The following ABCC8 variants were observed in gnomAD, a reference collection of about 807,000 sequenced individuals.
ABCC8 encodes ATP binding cassette subfamily C member 8, also known as ATP-binding cassette sub-family C member 8.
In ABCC8, 137 loss-of-function variants were observed where a neutral mutation model predicts 188.0. That is an observed-to-expected ratio of 0.73 (90% CI 0.63 to 0.84). The LOEUF (loss-of-function observed/expected upper bound fraction) is 0.84. ABCC8 is among the 40% of genes least tolerant of loss of function. The pLI, the probability that ABCC8 is intolerant of heterozygous loss-of-function variation, is 0.00. For missense variants in ABCC8, 1,750 were observed against 2,072.7 expected (o/e 0.84, Z 3.02); for synonymous variants, 797 against 846.5 (o/e 0.94, Z 1.01).
At chr11:17,472,240 A>C (rs938300857) in intron 2 of ABCC8, among the ~76,000 whole-genome samples, 3 of 152,230 alleles carry the variant, frequency 2.0e-5, no homozygotes, top group Admixed American at 1.3e-4. Context: ...TAAATAATAC[A>C]CATTCAATTA....
intron 7 of ABCC8, among the ~76,000 whole-genome samples, chr11:17,450,802 C>T (rs1394304477): frequency 1.3e-5 from 2 of 148,258 alleles, no homozygotes; most frequent in African/African-American, 5.0e-5. Flanking sequence ...GATTCTCCTG[C>T]CTCAGCCTCC....
At chr11:17,395,034 T>G in intron 36 of ABCC8, 138 bp downstream of exon 36, 2 of 1,131,008 alleles carry the variant, frequency 1.8e-6, no homozygotes, top group Non-Finnish European at 2.6e-6. Flanking sequence ...CCCCGTATAG[T>G]GAGAAGTAGG....
chr11:17,472,759 T>C (rs1031967308), intron 2 of ABCC8, among the ~76,000 whole-genome samples: 1 of 152,182 alleles, frequency 6.6e-6, no homozygotes, highest in African/African-American at 2.4e-5. Context: ...CAGGAGGGCA[T>C]CCCTGGACCG....
At chr11:17,405,288 G>A (rs966284904) in intron 27 of ABCC8, among the ~76,000 whole-genome samples, 2 of 152,206 alleles carry the variant, frequency 1.3e-5, no homozygotes, top group Admixed American at 6.5e-5. Context: ...GAAGCTAAAG[G>A]GATCTGGTTT....
At chr11:17,464,617 T>C (rs1464619647) in intron 3 of ABCC8, among the ~76,000 whole-genome samples, 1 of 152,232 alleles carries the variant, frequency 6.6e-6, no homozygotes. Context: ...AGCTGTTATA[T>C]TTTTATTATC....
chr11:17,462,225 GT>G, intron 4 of ABCC8, among the ~76,000 whole-genome samples: 1 of 152,282 alleles, frequency 6.6e-6, no homozygotes, highest in South Asian at 2.1e-4. Flanking sequence ...CTAGCAAGGT[GT>G]TTTTGGACAA....
intron 35 of ABCC8, 113 bp downstream of exon 35, chr11:17,395,497 A>T (rs2133400110): frequency 6.8e-7 from 1 of 1,480,716 alleles, no homozygotes; most frequent in South Asian, 1.2e-5. Flanking sequence ...GGGCATGAGC[A>T]GGAAACACCT....
At chr11:17,438,202 G>A (rs182966200) in intron 10 of ABCC8, among the ~76,000 whole-genome samples, 10 of 152,290 alleles carry the variant, frequency 6.6e-5, no homozygotes, top group South Asian at 2.1e-4. Flanking sequence ...CTGAGTTAGC[G>A]CCTCCACTGA....
At chr11:17,439,707 C>T (rs1956239718) in intron 10 of ABCC8, among the ~76,000 whole-genome samples, 2 of 152,224 alleles carry the variant, frequency 1.3e-5, no homozygotes, top group South Asian at 4.1e-4. Flanking sequence ...GGGCTCTCCC[C>T]TTTCCCCTCC....
intron 8 of ABCC8, among the ~76,000 whole-genome samples, chr11:17,447,665 T>C (rs1956590325): frequency 6.6e-6 from 1 of 152,154 alleles, no homozygotes; most frequent in Non-Finnish European, 1.5e-5. Flanking sequence ...AGTGGTGTGA[T>C]TGTAGCTCAC....
chr11:17,448,819 G>C lies in ABCC8; in HGVS notation c.1177-148C>G, dbSNP rs188269481. ...CTCTGTAAGGTGGTACTGTATCACC[G>C]TTCCAACTTACTAGTCTACTCCAGC... On this transcript the variant is annotated intron_variant, in intron 7 of 38. Coordinates refer to ENST00000389817, the MANE Select transcript of ABCC8 (RefSeq NM_000352.6). 59 of 1,276,836 alleles carry C rather than the reference G, an allele frequency of 4.6e-5. No individual in the cohort carries two copies. In the South Asian group the frequency reaches 7.0e-4, roughly 15 times the overall value. The allele number at this position is 1,276,836 out of a possible 1,614,324, so 79.1% of individuals were successfully genotyped here. A position where few individuals can be genotyped will look rare whatever the true frequency, so the allele number is the denominator to read the frequency against.
At chr11:17,413,600 C>T (rs1379040885) in intron 19 of ABCC8, 122 bp from the exon 20 acceptor site, 4 of 1,594,200 alleles carry the variant, frequency 2.5e-6, no homozygotes, top group Non-Finnish European at 3.4e-6. Flanking sequence ...TTTAATAGGC[C>T]TCCCGCTTGG....
At chr11:17,394,217 A>T (rs750527048) in intron 37 of ABCC8, 49 bp downstream of exon 37, 7 of 1,603,504 alleles carry the variant, frequency 4.4e-6, no homozygotes, top group African/African-American at 1.3e-5. Context: ...CTAGCATCCC[A>T]CTAAACCCTT....
intron 10 of ABCC8, chr11:17,435,683 C>G: frequency 7.2e-7 from 1 of 1,393,832 alleles, no homozygotes; most frequent in Non-Finnish European, 1.0e-6. Context: ...CACATGGCTG[C>G]CAGCCCTACA....
At chr11:17,436,263 G>A (rs988452566) in intron 10 of ABCC8, 2 of 464,064 alleles carry the variant, frequency 4.3e-6, no homozygotes, top group Non-Finnish European at 8.0e-6. Flanking sequence ...GGGCTCTGGG[G>A]TGGATGTGGC....
At chr11:17,409,649 C>G (rs1954715911) in intron 22 of ABCC8, among the ~76,000 whole-genome samples, 1 of 152,084 alleles carries the variant, frequency 6.6e-6, no homozygotes, top group Non-Finnish European at 1.5e-5. Context: ...CATTTGGCAC[C>G]AGCCTGAAGC....
At chr11:17,410,381 G>A in intron 22 of ABCC8, 135 bp downstream of exon 22, 2 of 998,952 alleles carry the variant, frequency 2.0e-6, no homozygotes, top group Non-Finnish European at 3.1e-6. Flanking sequence ...CATGCATAAA[G>A]CCATCCAGTG....
chr11:17,428,845 G>A (rs1043244753), intron 12 of ABCC8, 175 bp from the exon 13 acceptor site: 1 of 1,198,244 alleles, frequency 8.3e-7, no homozygotes, highest in Non-Finnish European at 1.1e-6. Flanking sequence ...GGTGTTACCA[G>A]GGTTTGCTAG....
intron 4 of ABCC8, 58 bp from the exon 5 acceptor site, chr11:17,461,883 CT>C: frequency 6.2e-7 from 1 of 1,608,480 alleles, no homozygotes; most frequent in Non-Finnish European, 8.5e-7. Flanking sequence ...CACTCCCTAC[CT>C]TGCCCCAGCA....
Sources: allele counts gnomAD v4.1 joint callset (sites outside exome capture counted in the v4.1 genomes callset), GRCh38; gene constraint gnomAD v4.1.1; transcripts MANE v1.5; gene names NCBI Gene and HGNC (gene_info 2026-07-23, HGNC 2026-07-21).